The following DOCK5 variants were observed in gnomAD, a reference collection of about 807,000 sequenced individuals.
DOCK5 encodes dedicator of cytokinesis protein 5.
A neutral mutation model predicts 251.8 loss-of-function variants in DOCK5; 142 were observed. The observed-to-expected ratio is 0.56, with a 90% CI of 0.49 to 0.65. DOCK5 has a LOEUF of 0.65. Ranked by LOEUF, DOCK5 falls within the 30% of genes least tolerant of loss-of-function variation. The pLI, the probability that DOCK5 is intolerant of heterozygous loss-of-function variation, is 0.00. For synonymous variants in DOCK5, 842 were observed against 835.5 expected (o/e 1.01, Z -0.13); for missense variants, 2,111 against 2,312.3 (o/e 0.91, Z 1.79).
At chr8:25,375,031 T>C (rs1453377702) in intron 37 of DOCK5, 23 of 1,048,688 alleles carry the variant, frequency 2.2e-5, no homozygotes, top group Non-Finnish European at 2.3e-5. Context: ...ATTCTCTCCC[T>C]AAATAAATGT....
At chr8:25,348,753 A>T (rs2117244951) in intron 26 of DOCK5, among the ~76,000 whole-genome samples, 1 of 151,630 alleles carries the variant, frequency 6.6e-6, no homozygotes, top group Admixed American at 6.6e-5. Context: ...CGGGAGAATC[A>T]CTTGAACCCG....
At chr8:25,233,175 A>G (rs1213195065) in intron 1 of DOCK5, among the ~76,000 whole-genome samples, 1 of 152,156 alleles carries the variant, frequency 6.6e-6, no homozygotes, top group African/African-American at 2.4e-5. Flanking sequence ...TCAAGCAGTA[A>G]GTGCAGGCAG....
rs760441103 is a variant in DOCK5 at position 25,403,737 on chromosome 8, T to C, written c.5093+13T>C. 1.1e-5 allele frequency: 17 copies of C among 1,613,334 alleles called. No homozygotes were observed. The highest frequency in any genetic ancestry group is 1.3e-5 in the Non-Finnish European group (15 of 1,179,420). Reference sequence around the variant, plus strand: ...CGGGATCTGATGGGTAAGGGTTTCATCTTTAATCTGCAGGAAGGGTGGGGT... The same window carrying C: ...CGGGATCTGATGGGTAAGGGTTTCACCTTTAATCTGCAGGAAGGGTGGGGT... On this transcript the variant is annotated intron_variant, in intron 48 of 51. Coordinates refer to ENST00000276440, the MANE Select transcript of DOCK5 (RefSeq NM_024940.8).
intron 34 of DOCK5, among the ~76,000 whole-genome samples, chr8:25,370,422 C>A (rs970881569): frequency 6.6e-5 from 10 of 152,198 alleles, no homozygotes; most frequent in Non-Finnish European, 1.2e-4. Context: ...AGATGATGTG[C>A]TAACATAGCA....
At chr8:25,391,726 A>C (rs1157352726) in intron 42 of DOCK5, among the ~76,000 whole-genome samples, 170 bp from the exon 43 acceptor site, 1 of 152,228 alleles carries the variant, frequency 6.6e-6, no homozygotes, top group East Asian at 1.9e-4. Flanking sequence ...TGTGAAATAA[A>C]ATCAAATTGT....
chr8:25,338,268 T>C (rs1240820705), intron 22 of DOCK5, among the ~76,000 whole-genome samples: 3 of 151,860 alleles, frequency 2.0e-5, no homozygotes, highest in South Asian at 2.1e-4. Context: ...CTCAAACTCC[T>C]GGGCTCAAGG....
intron 46 of DOCK5, among the ~76,000 whole-genome samples, chr8:25,400,222 G>A (rs1801414336): frequency 6.6e-6 from 1 of 152,126 alleles, no homozygotes; most frequent in Admixed American, 6.5e-5. Context: ...GCTGGGGCCG[G>A]GCCCAGTGGC....
intron 50 of DOCK5, 79 bp downstream of exon 50, chr8:25,409,019 A>G: frequency 6.3e-7 from 1 of 1,581,096 alleles, no homozygotes; most frequent in Non-Finnish European, 8.7e-7. Context: ...TTGTAACTAA[A>G]CCAGCCAGAA....
At chr8:25,233,522 G>T (rs1249477218) in intron 1 of DOCK5, among the ~76,000 whole-genome samples, 1 of 152,118 alleles carries the variant, frequency 6.6e-6, no homozygotes, top group Non-Finnish European at 1.5e-5. Context: ...GTTGCTCGTT[G>T]TTTCTTCTCA....
chr8:25,313,317 T>C (rs1586320007), intron 13 of DOCK5, among the ~76,000 whole-genome samples: 1 of 152,198 alleles, frequency 6.6e-6, no homozygotes, highest in East Asian at 1.9e-4. Context: ...GTAGCTCTCA[T>C]GAGAGTCACC....
chr8:25,299,866 T>G (rs1337125279), intron 8 of DOCK5, among the ~76,000 whole-genome samples: 1 of 152,222 alleles, frequency 6.6e-6, no homozygotes, highest in Non-Finnish European at 1.5e-5. Flanking sequence ...TAAAAAAAAT[T>G]TTTTAATGTC....
At chr8:25,386,421 C>T (rs1243820393) in intron 40 of DOCK5, among the ~76,000 whole-genome samples, 1 of 151,976 alleles carries the variant, frequency 6.6e-6, no homozygotes, top group Non-Finnish European at 1.5e-5. Context: ...ATAGCATGAC[C>T]CCGTCTCTAT....
At chr8:25,389,939 G>A (rs139418347) in intron 41 of DOCK5, among the ~76,000 whole-genome samples, 1 of 149,630 alleles carries the variant, frequency 6.7e-6, no homozygotes, top group Non-Finnish European at 1.5e-5. Context: ...ATATTGCATT[G>A]ATGTCTATTT....
chr8:25,216,173 T>C (rs528359661), intron 1 of DOCK5, among the ~76,000 whole-genome samples: 3 of 140,554 alleles, frequency 2.1e-5, no homozygotes, highest in South Asian at 4.4e-4. Flanking sequence ...GTATACAATA[T>C]GTGCATACAA....
intron 40 of DOCK5, among the ~76,000 whole-genome samples, chr8:25,383,176 A>G (rs997803493): frequency 6.6e-6 from 1 of 152,228 alleles, no homozygotes; most frequent in Admixed American, 6.5e-5. Context: ...ACATTTTATT[A>G]TAATAATAAT....
chr8:25,398,344 C>T (rs1358109871), intron 45 of DOCK5, among the ~76,000 whole-genome samples: 1 of 152,178 alleles, frequency 6.6e-6, no homozygotes, highest in Non-Finnish European at 1.5e-5. Flanking sequence ...AAATACGATC[C>T]TGGCTAGAAT....
chr8:25,407,348 T>C (rs1019134780), intron 48 of DOCK5, among the ~76,000 whole-genome samples: 15 of 151,972 alleles, frequency 9.9e-5, no homozygotes, highest in African/African-American at 3.6e-4. Context: ...GGCTCCAGAG[T>C]TGTGCTCTTA....
At chr8:25,281,803 C>T (rs911518209) in intron 5 of DOCK5, among the ~76,000 whole-genome samples, 6 of 148,978 alleles carry the variant, frequency 4.0e-5, no homozygotes, top group Admixed American at 2.0e-4. Flanking sequence ...CACTTGAACC[C>T]GAGAGGCGGA....
chr8:25,301,731 G>A (rs1397238317), intron 9 of DOCK5, among the ~76,000 whole-genome samples: 1 of 151,688 alleles, frequency 6.6e-6, no homozygotes, highest in Non-Finnish European at 1.5e-5. Context: ...AACAAGTGTA[G>A]AACCCTAGCT....
Sources: gnomAD v4.1 joint callset for allele counts (sites outside exome capture counted in the v4.1 genomes callset) on GRCh38, gnomAD v4.1.1 for gene constraint, MANE v1.5 for transcripts, NCBI Gene and HGNC (gene_info 2026-07-23, HGNC 2026-07-21) for gene names.